Variants in N4BP2L1 observed in about 807,000 individuals in gnomAD.
The protein encoded by N4BP2L1 is NEDD4-binding protein 2-like 1.
A neutral mutation model predicts 21.2 loss-of-function variants in N4BP2L1; 12 were observed. The observed-to-expected ratio is 0.57, with a 90% CI of 0.36 to 0.92. The LOEUF (loss-of-function observed/expected upper bound fraction) is 0.92, where lower values mean the gene tolerates loss of function less well. Among genes scored for constraint, N4BP2L1 ranks in the 40% least tolerant of loss-of-function variants. The probability of loss-of-function intolerance (pLI) is 0.01; values close to 1 mark genes in which losing one functional copy is unlikely to be tolerated. For synonymous variants in N4BP2L1, 104 were observed against 112.8 expected, an observed-to-expected ratio of 0.92 and a Z score of 0.49; for missense variants, 259 against 310.6, an observed-to-expected ratio of 0.83 and a Z score of 1.25.
At chr13:32,409,105 A>G (rs934290910) in intron 1 of N4BP2L1, among the ~76,000 whole-genome samples, 1 of 152,244 alleles carries the variant, frequency 6.6e-6, no homozygotes, top group African/African-American at 2.4e-5. Context: ...GACTGTTTCT[A>G]CGCCACAGTA....
At chr13:32,405,892 C>CTTTTTTTT (rs754694153) in intron 3 of N4BP2L1, among the ~76,000 whole-genome samples, 2 of 101,192 alleles carry the variant, frequency 2.0e-5, no homozygotes, top group Non-Finnish European at 1.8e-5. Flanking sequence ...TTCCTGCCCC[C>CTTTTTTTT]TTTTTTTTTT....
chr13:32,426,958 G>A (rs1418941480), intron 1 of N4BP2L1, among the ~76,000 whole-genome samples: 1 of 152,200 alleles, frequency 6.6e-6, no homozygotes, highest in Non-Finnish European at 1.5e-5. Flanking sequence ...GGGAGGGCAA[G>A]CCAGGCAGGA....
chr13:32,402,558 A>T lies in N4BP2L1; in HGVS notation c.*384T>A, dbSNP rs9590958. On this transcript the variant is annotated 3_prime_UTR_variant, in exon 5 of 5. Transcript: ENST00000380130. Reference sequence around the variant, plus strand: ...TCTCTCCACCTTCCCAACTTTACCGATGGAGATGAATTTCCTGAAAAAATA... The same window carrying T: ...TCTCTCCACCTTCCCAACTTTACCGTTGGAGATGAATTTCCTGAAAAAATA... 2.0e-6 allele frequency: 2 copies of T among 991,694 alleles called. No individual in the cohort carries two copies. The highest frequency in any genetic ancestry group is 2.4e-6 in the Non-Finnish European group (2 of 834,208). 61.4% of individuals were successfully genotyped at this position (991,694 alleles called of 1,614,324 possible). A position where few individuals can be genotyped will look rare whatever the true frequency, so the allele number is the denominator to read the frequency against.
At chr13:32,412,791 A>G (rs765241542) in intron 1 of N4BP2L1, among the ~76,000 whole-genome samples, 1 of 152,240 alleles carries the variant, frequency 6.6e-6, no homozygotes, top group Non-Finnish European at 1.5e-5. Flanking sequence ...TGCCCTAAGC[A>G]AGGTCCTTCA....
chr13:32,406,205 G>A (rs2073492115), intron 3 of N4BP2L1, among the ~76,000 whole-genome samples: 1 of 151,332 alleles, frequency 6.6e-6, no homozygotes, highest in Non-Finnish European at 1.5e-5. Context: ...CACCGCACCC[G>A]GCCTTCCTGC....
intron 1 of N4BP2L1, among the ~76,000 whole-genome samples, chr13:32,414,143 A>C (rs1440993873): frequency 6.6e-6 from 1 of 152,154 alleles, no homozygotes; most frequent in African/African-American, 2.4e-5. Context: ...AGGCCTCTCA[A>C]AGTGCTGGGA....
At chr13:32,405,338 C>T (rs986281562) in intron 3 of N4BP2L1, among the ~76,000 whole-genome samples, 2 of 152,078 alleles carry the variant, frequency 1.3e-5, no homozygotes, top group Non-Finnish European at 2.9e-5. Context: ...GGCAAATCCC[C>T]GTCTCTACTA....
upstream of N4BP2L1, among the ~76,000 whole-genome samples, chr13:32,428,892 C>G (rs1160402832): frequency 6.6e-6 from 1 of 152,232 alleles, no homozygotes; most frequent in Non-Finnish European, 1.5e-5. Flanking sequence ...GACTGAAGTT[C>G]TCAGTTCCAG....
Position 32,427,930 on chromosome 13 carries a change from C to T in N4BP2L1, c.153G>A (p.Pro51=), listed in dbSNP as rs1175300935. 6.6e-7 allele frequency: 1 copy of T among 1,523,878 alleles called. No homozygotes were observed. The highest frequency in any genetic ancestry group is 2.1e-5 in the Admixed American group (1 of 47,178). 94.4% of individuals were successfully genotyped at this position (1,523,878 alleles called of 1,614,324 possible). The change falls in exon 1 of 5, where the codon CCG becomes CCA. Residue 51 remains proline (P), a synonymous_variant. Transcript: ENST00000380130. ...RKHLYLLRGL[P]GSGKTTLARQ... ...TGGCCAGTGTAGTTTTCCCGGAGCC[C>T]GGGAGGCCTCGCAGGAGGTAGAGGT...
intron 1 of N4BP2L1, among the ~76,000 whole-genome samples, chr13:32,411,141 A>T (rs2073834924): frequency 6.6e-6 from 1 of 152,188 alleles, no homozygotes; most frequent in Non-Finnish European, 1.5e-5. Context: ...AAAACAGCAC[A>T]TAACACTACT....
intron 1 of N4BP2L1, among the ~76,000 whole-genome samples, chr13:32,417,114 T>C (rs997853933): frequency 3.9e-5 from 6 of 152,184 alleles, no homozygotes; most frequent in African/African-American, 7.2e-5. Context: ...CAGGCCCAGC[T>C]GGCAAACTTT....
chr13:32,420,604 T>G (rs1053408092), intron 1 of N4BP2L1: 3 of 152,216 alleles, frequency 2.0e-5, no homozygotes, highest in African/African-American at 7.2e-5. Context: ...CATTTTCTTA[T>G]GCACCGAATT....
At chr13:32,406,970 A>G (rs950378418) in intron 3 of N4BP2L1, 1 of 431,166 alleles carries the variant, frequency 2.3e-6, no homozygotes, top group East Asian at 4.8e-5. Context: ...TTGCCGTAGG[A>G]AAGTAATTAA....
intron 1 of N4BP2L1, among the ~76,000 whole-genome samples, chr13:32,421,283 C>A (rs2074462414): frequency 6.6e-6 from 1 of 152,106 alleles, no homozygotes; most frequent in African/African-American, 2.4e-5. Context: ...TCAGTGGTAC[C>A]AATGCCAAGA....
intron 1 of N4BP2L1, 90 bp downstream of exon 1, chr13:32,427,814 G>T: frequency 1.1e-6 from 1 of 879,982 alleles, no homozygotes; most frequent in Non-Finnish European, 1.5e-6. Context: ...CGCAAGCGGC[G>T]CCCGGGAGCG....
chr13:32,411,648 A>G (rs947345430), intron 1 of N4BP2L1: 1 of 985,236 alleles, frequency 1.0e-6, no homozygotes, highest in Non-Finnish European at 1.2e-6. Context: ...ATAGAAAGAT[A>G]ATTAATTCCA....
At position 32,402,615 on chromosome 13, in the gene N4BP2L1, G is replaced by A. The variant is rs2137699046; in HGVS notation, c.*327C>T. On this transcript the variant is annotated 3_prime_UTR_variant, in exon 5 of 5. Transcript: ENST00000380130. ...TCACTTCAGAGCAAATGGTACTGAAGCTTATATATAATATAAACACTTTAT... is the reference window on the plus strand; with the variant it reads ...TCACTTCAGAGCAAATGGTACTGAAACTTATATATAATATAAACACTTTAT... 9.7e-7 allele frequency: 1 copy of A among 1,036,164 alleles called. No homozygotes were observed. Among genetic ancestry groups the A allele is most frequent in the Non-Finnish European group, 1.2e-6 (1 of 861,658 alleles). The allele number at this position is 1,036,164 out of a possible 1,614,324, so 64.2% of individuals were successfully genotyped here.
upstream of N4BP2L1, chr13:32,428,213 C>G (rs1003242227): frequency 2.2e-6 from 2 of 918,618 alleles, no homozygotes; most frequent in African/African-American, 1.7e-5. Context: ...CCCAGCCCCT[C>G]CTTTCCACCC....
rs922460791 is a variant in N4BP2L1 at position 32,407,409 on chromosome 13, C to A, written c.308-71G>T. The A allele has an allele frequency of 6.2e-6, 10 of 1,610,376 alleles. No homozygotes were observed. The African/African-American group carries it at 1.2e-4, about 19-fold the overall frequency. On this transcript the variant is annotated intron_variant, in intron 2 of 4. Transcript: ENST00000380130. ...AGGGAAGGTGAGCGTAATCTCTATT[C>A]GTCATTTTTATTACAGGATGCCCTC...
Sources: allele counts gnomAD v4.1 joint callset (sites outside exome capture counted in the v4.1 genomes callset), GRCh38; gene constraint gnomAD v4.1.1; transcripts MANE v1.5; gene names NCBI Gene and HGNC (gene_info 2026-07-23, HGNC 2026-07-21).